The following PXDNL variants were observed in gnomAD, a reference collection of about 807,000 sequenced individuals.
The protein encoded by PXDNL is probable oxidoreductase PXDNL.
PXDNL carries 145 observed loss-of-function variants against 150.8 expected under a neutral mutation model. The ratio of observed to expected loss-of-function variants is 0.96; its 90% confidence interval spans 0.84 to 1.10. The LOEUF (loss-of-function observed/expected upper bound fraction) is 1.10. Among genes scored for constraint, PXDNL ranks in the 50% least tolerant of loss-of-function variants. The pLI, the probability that PXDNL is intolerant of heterozygous loss-of-function variation, is 0.00. For synonymous variants in PXDNL, 757 were observed against 725.7 expected, an observed-to-expected ratio of 1.04 and a Z score of -0.69; for missense variants, 2,087 against 1,873.9, an observed-to-expected ratio of 1.11 and a Z score of -2.10.
At chr8:51,553,677 G>T (rs942166206) in intron 4 of PXDNL, among the ~76,000 whole-genome samples, 17 of 149,198 alleles carry the variant, frequency 1.1e-4, no homozygotes, top group African/African-American at 4.2e-4. Flanking sequence ...ATCAACAAAT[G>T]TACAAATACA....
At chr8:51,636,391 A>C (rs1279582408) in intron 2 of PXDNL, among the ~76,000 whole-genome samples, 1 of 152,170 alleles carries the variant, frequency 6.6e-6, no homozygotes, top group African/African-American at 2.4e-5. Flanking sequence ...CAAACTGGAA[A>C]ATAAGAAGTA....
At chr8:51,515,139 G>C (rs571342298) in intron 4 of PXDNL, among the ~76,000 whole-genome samples, 1 of 152,342 alleles carries the variant, frequency 6.6e-6, no homozygotes, top group South Asian at 2.1e-4. Context: ...CCCCCAGGTG[G>C]ATGCCTGCTG....
At chr8:51,600,802 T>TAC (rs1491381793) in intron 2 of PXDNL, among the ~76,000 whole-genome samples, 1 of 136,734 alleles carries the variant, frequency 7.3e-6, no homozygotes, top group Non-Finnish European at 1.5e-5. Flanking sequence ...GATAATAAAT[T>TAC]ATATCTTATA....
intron 1 of PXDNL, among the ~76,000 whole-genome samples, chr8:51,735,466 G>T: frequency 6.6e-6 from 1 of 150,894 alleles, no homozygotes; most frequent in South Asian, 2.1e-4. Flanking sequence ...GCCTGGGCAA[G>T]AGAGCAAGAC....
intron 3 of PXDNL, among the ~76,000 whole-genome samples, chr8:51,579,056 C>G (rs2130620699): frequency 6.6e-6 from 1 of 152,076 alleles, no homozygotes; most frequent in South Asian, 2.1e-4. Flanking sequence ...AGGAAAAGAA[C>G]TGTGAGACTT....
intron 8 of PXDNL, among the ~76,000 whole-genome samples, chr8:51,471,890 G>T (rs1821111): frequency 5.9e-5 from 9 of 151,844 alleles, no homozygotes; most frequent in Non-Finnish European, 8.8e-5. Flanking sequence ...GTTTCACCGT[G>T]TTAGCCAGGA....
chr8:51,329,589 G>T (rs1228504914), intron 21 of PXDNL, among the ~76,000 whole-genome samples: 1 of 152,106 alleles, frequency 6.6e-6, no homozygotes, highest in Non-Finnish European at 1.5e-5. Context: ...AAATTATCTG[G>T]CAGGGATAAA....
intron 17 of PXDNL, among the ~76,000 whole-genome samples, chr8:51,398,504 C>G (rs1240485915): frequency 6.6e-6 from 1 of 152,184 alleles, no homozygotes; most frequent in Non-Finnish European, 1.5e-5. Context: ...AGCAGCCAGA[C>G]AGCAGCTTGC....
intron 4 of PXDNL, among the ~76,000 whole-genome samples, chr8:51,501,695 T>C (rs751395343): frequency 6.6e-6 from 1 of 152,016 alleles, no homozygotes; most frequent in Non-Finnish European, 1.5e-5. Context: ...TATGCTCACA[T>C]ACACTAACAC....
intron 17 of PXDNL, among the ~76,000 whole-genome samples, chr8:51,404,966 C>T (rs955826968): frequency 2.6e-5 from 4 of 152,184 alleles, no homozygotes; most frequent in Middle Eastern, 3.4e-3. Flanking sequence ...CCGAGTCCTG[C>T]CCCGCAGGGA....
At chr8:51,338,698 G>T (rs1343161418) in intron 21 of PXDNL, among the ~76,000 whole-genome samples, 1 of 152,158 alleles carries the variant, frequency 6.6e-6, no homozygotes, top group Non-Finnish European at 1.5e-5. Context: ...ATATATTTTT[G>T]AATAAAAATA....
At chr8:51,440,952 T>A (rs1000261192) in intron 12 of PXDNL, among the ~76,000 whole-genome samples, 1 of 152,136 alleles carries the variant, frequency 6.6e-6, no homozygotes, top group Non-Finnish European at 1.5e-5. Context: ...GAGGGACCCA[T>A]GTTTTTGGGC....
intron 4 of PXDNL, among the ~76,000 whole-genome samples, chr8:51,549,208 A>T (rs1812428765): frequency 6.6e-6 from 1 of 152,182 alleles, no homozygotes; most frequent in Admixed American, 6.5e-5. Context: ...AAGAAATGAG[A>T]TAGATGGCAA....
At chr8:51,399,461 C>A (rs888676918) in intron 17 of PXDNL, among the ~76,000 whole-genome samples, 2 of 152,058 alleles carry the variant, frequency 1.3e-5, no homozygotes, top group Non-Finnish European at 2.9e-5. Flanking sequence ...ACATTCCAAG[C>A]AAAATAAGCT....
At position 51,423,598 on chromosome 8, in the gene PXDNL, G is replaced by A. The variant is rs1465349795; in HGVS notation, c.1772C>T (p.Thr591Ile). The change falls in exon 14 of 23, where the codon ACC (threonine) becomes ATC (isoleucine). Residue 591 changes from threonine (T) to isoleucine (I), a missense_variant. Transcript: ENST00000356297. ...ACCCGTGACTGTAAGAAACATGTTG[G>A]TCACAGCAAGGCCAAAAGAATTCCG... ...VARNSFGLAVTNMFLTVTAIQ... is the reference protein window; with the variant it reads ...VARNSFGLAVINMFLTVTAIQ... 1 of 1,613,514 alleles carries A rather than the reference G, an allele frequency of 6.2e-7. No homozygotes were observed. Among genetic ancestry groups the A allele is most frequent in the African/African-American group, 1.3e-5 (1 of 74,864 alleles).
intron 19 of PXDNL, among the ~76,000 whole-genome samples, chr8:51,369,613 T>G (rs564433270): frequency 3.9e-5 from 6 of 151,976 alleles, no homozygotes; most frequent in South Asian, 2.1e-4. Flanking sequence ...TTTAGGTAAT[T>G]TTGCTACTGA....
chr8:51,532,997 G>GGA (rs1811938673), intron 4 of PXDNL, among the ~76,000 whole-genome samples: 2 of 151,590 alleles, frequency 1.3e-5, no homozygotes, highest in Non-Finnish European at 2.9e-5. Flanking sequence ...AAAAGGAAAA[G>GGA]AAAAAAAAGT....
At chr8:51,495,262 C>A (rs202107353) in intron 5 of PXDNL, among the ~76,000 whole-genome samples, 1 of 151,682 alleles carries the variant, frequency 6.6e-6, no homozygotes, top group African/African-American at 2.4e-5. Context: ...ACCAGAATCT[C>A]TGGGACACAT....
chr8:51,778,913 A>G (rs2037383815), intron 1 of PXDNL, among the ~76,000 whole-genome samples: 2 of 152,078 alleles, frequency 1.3e-5, no homozygotes, highest in Non-Finnish European at 2.9e-5. Flanking sequence ...GAATTTTGCT[A>G]TTTACAGTTC....
Sources: gnomAD v4.1 joint callset for allele counts (sites outside exome capture counted in the v4.1 genomes callset) on GRCh38, gnomAD v4.1.1 for gene constraint, MANE v1.5 for transcripts, NCBI Gene and HGNC (gene_info 2026-07-23, HGNC 2026-07-21) for gene names.